STX18: variants seen among roughly 807,000 people sequenced by gnomAD.
STX18 encodes syntaxin-18.
Under a neutral mutation model 50.1 loss-of-function variants are expected in STX18, and 40 were observed. That is an observed-to-expected ratio of 0.80 (90% confidence interval 0.62 to 1.04). The LOEUF is 1.04. Ranked by LOEUF, STX18 falls within the 50% of genes least tolerant of loss-of-function variation. The probability of loss-of-function intolerance (pLI) is 0.00; values close to 1 mark genes in which losing one functional copy is unlikely to be tolerated. For missense variants in STX18, 410 were observed against 415.8 expected (o/e 0.99, Z 0.12); for synonymous variants, 158 against 151.8 (o/e 1.04, Z -0.30).
Position 4,459,493 on chromosome 4 carries a change from A to G in STX18, c.237-6T>C. ...CATATTCAGACATGGTATGGCTAAA[A>G]AAAGACAGCAAAGGAAAGGGCAGCA... On this transcript the variant is annotated splice_polypyrimidine_tract_variant and splice_region_variant and intron_variant, in intron 2 of 10. Coordinates refer to ENST00000306200, the MANE Select transcript of STX18 (RefSeq NM_016930.4). 2 of 1,600,518 alleles carry G rather than the reference A, an allele frequency of 1.2e-6. No individual in the cohort carries two copies. The highest frequency in any genetic ancestry group is 3.3e-5 in the Admixed American group (2 of 59,986).
chr4:4,511,461 G>A (rs968520787), intron 1 of STX18, among the ~76,000 whole-genome samples: 1 of 152,132 alleles, frequency 6.6e-6, no homozygotes, highest in Admixed American at 6.5e-5. Flanking sequence ...ACAAATCTTA[G>A]GGAGGACAGC....
intron 7 of STX18, among the ~76,000 whole-genome samples, chr4:4,434,014 T>A (rs11734690): frequency 0.31 from 47,504 of 152,084 alleles, 9,427 homozygotes; most frequent in African/African-American, 0.57. Flanking sequence ...GTATCATGGA[T>A]AAAATGAGAA....
chr4:4,470,405 A>G (rs1727852822), intron 2 of STX18, among the ~76,000 whole-genome samples: 1 of 152,138 alleles, frequency 6.6e-6, no homozygotes, highest in Admixed American at 6.5e-5. Context: ...CTAGTCATGG[A>G]CTTTAGGACT....
Position 4,459,574 on chromosome 4 carries a change from C to G in STX18, c.237-87G>C, listed in dbSNP as rs1727270513. On this transcript the variant is annotated intron_variant, in intron 2 of 10. Transcript: ENST00000306200. ...GATGGGAAGAGAAGAAAAGGCCTCCCTGATCAGGTGACATTTAAGCTGAGA... is the reference window on the plus strand; with the variant it reads ...GATGGGAAGAGAAGAAAAGGCCTCCGTGATCAGGTGACATTTAAGCTGAGA... 9 of 930,580 alleles carry G rather than the reference C, an allele frequency of 9.7e-6. No homozygotes were observed. In the Admixed American group the frequency reaches 1.7e-4, roughly 17 times the overall value. 57.6% of individuals were successfully genotyped at this position (930,580 alleles called of 1,614,324 possible).
intron 1 of STX18, among the ~76,000 whole-genome samples, chr4:4,479,376 A>G (rs569257594): frequency 9.2e-5 from 14 of 152,220 alleles, no homozygotes; most frequent in African/African-American, 3.4e-4. Flanking sequence ...CACAAAGATG[A>G]CTCTGCTGTC....
upstream of STX18, chr4:4,542,131 G>A (rs1168455429): frequency 1.1e-6 from 1 of 931,346 alleles, no homozygotes; most frequent in South Asian, 2.3e-5. Context: ...GCGGCGGGAG[G>A]AAAAAGGTTC....
intron 9 of STX18, 89 bp downstream of exon 9, chr4:4,423,429 G>A (rs1006541159): frequency 3.9e-6 from 5 of 1,269,144 alleles, no homozygotes; most frequent in Non-Finnish European, 5.7e-6. Flanking sequence ...GCTGTGTAGA[G>A]CAGCAGCCTT....
intron 1 of STX18, among the ~76,000 whole-genome samples, chr4:4,477,433 G>A (rs957172013): frequency 3.9e-5 from 6 of 152,116 alleles, no homozygotes; most frequent in African/African-American, 1.4e-4. Context: ...CCATGTAACA[G>A]GATCAATGCC....
intron 1 of STX18, among the ~76,000 whole-genome samples, chr4:4,537,248 C>T (rs1415201864): frequency 2.0e-5 from 3 of 152,196 alleles, no homozygotes; most frequent in Non-Finnish European, 4.4e-5. Flanking sequence ...GTTTCTCATT[C>T]CCCACAGAGT....
intron 6 of STX18, 62 bp downstream of exon 6, chr4:4,438,332 G>A: frequency 7.8e-7 from 1 of 1,280,242 alleles, no homozygotes; most frequent in Non-Finnish European, 1.1e-6. Context: ...TTCCTGTGCT[G>A]TACTCTTGCC....
intron 5 of STX18, among the ~76,000 whole-genome samples, chr4:4,443,165 C>T (rs1036090190): frequency 6.6e-6 from 1 of 152,216 alleles, no homozygotes; most frequent in Non-Finnish European, 1.5e-5. Context: ...AGCAATCCCA[C>T]TTATGGGACT....
chr4:4,500,850 A>G (rs1253190436), intron 1 of STX18, among the ~76,000 whole-genome samples: 1 of 152,196 alleles, frequency 6.6e-6, no homozygotes, highest in Non-Finnish European at 1.5e-5. Context: ...AGGCTGACCA[A>G]CATGGTGAAA....
chr4:4,451,701 A>G (rs1354719765), intron 5 of STX18, among the ~76,000 whole-genome samples: 1 of 152,178 alleles, frequency 6.6e-6, no homozygotes, highest in African/African-American at 2.4e-5. Context: ...AGCGTACTTC[A>G]TAAGTGTTGT....
At chr4:4,497,350 G>C (rs1242265765) in intron 1 of STX18, among the ~76,000 whole-genome samples, 2 of 152,158 alleles carry the variant, frequency 1.3e-5, no homozygotes, top group African/African-American at 4.8e-5. Context: ...AAAACCAGGG[G>C]GAGAAATGTA....
intron 2 of STX18, 22 bp downstream of exon 2, chr4:4,471,617 T>C: frequency 1.3e-6 from 2 of 1,498,642 alleles, no homozygotes. Context: ...ACCAAAGTCC[T>C]GGTAAAAAAA....
chr4:4,431,290 G>C (rs1725505602), intron 7 of STX18, among the ~76,000 whole-genome samples: 2 of 152,288 alleles, frequency 1.3e-5, no homozygotes, highest in Admixed American at 1.3e-4. Context: ...GTCTAGCAAA[G>C]AAATGGGGCA....
chr4:4,431,855 CCCT>C (rs1283791528), intron 7 of STX18, among the ~76,000 whole-genome samples: 8 of 152,188 alleles, frequency 5.3e-5, no homozygotes, highest in Non-Finnish European at 7.3e-5. Flanking sequence ...CGGCTCAAGG[CCCT>C]CCTCATCTCT....
intron 1 of STX18, among the ~76,000 whole-genome samples, chr4:4,472,508 T>C (rs2108837160): frequency 6.6e-6 from 1 of 152,366 alleles, no homozygotes; most frequent in East Asian, 1.9e-4. Context: ...CAAACACACG[T>C]GGCCCCAGCC....
At chr4:4,435,009 G>A in intron 6 of STX18, 151 bp from the exon 7 acceptor site, 1 of 604,292 alleles carries the variant, frequency 1.7e-6, no homozygotes, top group Non-Finnish European at 2.8e-6. Context: ...TTCAGGCACT[G>A]CAGACATGAT....
Sources: gnomAD v4.1 joint callset for allele counts (sites outside exome capture counted in the v4.1 genomes callset) on GRCh38, gnomAD v4.1.1 for gene constraint, MANE v1.5 for transcripts, NCBI Gene and HGNC (gene_info 2026-07-23, HGNC 2026-07-21) for gene names.